The following SRGAP2B variants were observed in gnomAD, a reference collection of about 807,000 sequenced individuals.
SRGAP2B encodes SLIT-ROBO Rho GTPase-activating protein 2B.
Under a neutral mutation model 22.2 loss-of-function variants are expected in SRGAP2B, and 9 were observed. That is an observed-to-expected ratio of 0.41 (90% confidence interval 0.24 to 0.71). The LOEUF is 0.71. Among genes scored for constraint, SRGAP2B ranks in the 30% least tolerant of loss-of-function variants. The pLI is 0.35. For synonymous variants in SRGAP2B, 36 were observed against 87.4 expected (o/e 0.41, Z 3.28); for missense variants, 114 against 235.8 (o/e 0.48, Z 3.38).
At chr1:144,965,106 G>GCAGACAATCCAAGC in intron 3 of SRGAP2B, 1 of 1,293,950 alleles carries the variant, frequency 7.7e-7, no homozygotes, top group Non-Finnish European at 1.1e-6. Flanking sequence ...AGGATGCTTG[G>GCAGACAATCCAAGC]ATTGTCTGCT....
chr1:145,068,202 CAAAAAAAAAAAA>C, intron 2 of SRGAP2B, among the ~76,000 whole-genome samples: 2 of 15,604 alleles, frequency 1.3e-4, no homozygotes, highest in South Asian at 2.4e-3. Context: ...GACTCCGTCT[CAAAAAAAAAAAA>C]AAAAAAAAAA....
At chr1:144,934,480 T>A (rs1553606079) in intron 4 of SRGAP2B, among the ~76,000 whole-genome samples, 1 of 147,962 alleles carries the variant, frequency 6.8e-6, no homozygotes, top group Non-Finnish European at 1.5e-5. Context: ...ATGTGATATT[T>A]CCCCCCATTT....
chr1:144,924,552 C>T (rs1664506740), intron 4 of SRGAP2B, among the ~76,000 whole-genome samples: 1 of 150,770 alleles, frequency 6.6e-6, no homozygotes, highest in South Asian at 2.1e-4. Context: ...CAAGGTGAAA[C>T]CCCGTCTCTA....
intron 5 of SRGAP2B, among the ~76,000 whole-genome samples, chr1:144,908,175 A>G (rs1346770488): frequency 1.3e-5 from 2 of 148,684 alleles, no homozygotes; most frequent in Admixed American, 6.7e-5. Flanking sequence ...ATGGGATTCA[A>G]AAGCTTAGTG....
intron 3 of SRGAP2B, among the ~76,000 whole-genome samples, chr1:144,988,494 T>G (rs587733620): frequency 6.7e-6 from 1 of 149,986 alleles, no homozygotes; most frequent in African/African-American, 2.5e-5. Context: ...CCACCTTACC[T>G]TCTACCCTGT....
Position 144,993,401 on chromosome 1 carries a change from A to G in SRGAP2B, c.260+1607T>C, listed in dbSNP as rs1374193431. Among the ~76,000 whole-genome samples the G allele has an allele frequency of 1.2e-4, 18 of 150,684 alleles. 1 individual carries two copies. The highest frequency in any genetic ancestry group is 2.5e-4 in the Non-Finnish European group (17 of 67,944). On this transcript the variant is annotated intron_variant, in intron 3 of 9. Transcript: ENST00000612199. Reference sequence around the variant, plus strand: ...GCTGACACTGAGAAACTACAATTTGATATCAAAAACATAGATGGGCTGGGT... The same window carrying G: ...GCTGACACTGAGAAACTACAATTTGGTATCAAAAACATAGATGGGCTGGGT...
intron 3 of SRGAP2B, among the ~76,000 whole-genome samples, chr1:144,971,497 A>G (rs1331282369): frequency 3.3e-5 from 5 of 149,928 alleles, no homozygotes; most frequent in Non-Finnish European, 4.4e-5. Flanking sequence ...GGGCATGACC[A>G]TGGTTCACTG....
rs1571127571 is a variant in SRGAP2B, at chr1:145,066,781, G to T, written c.67+26054C>A. On this transcript the variant is annotated intron_variant, in intron 2 of 9. Transcript: ENST00000612199. Reference sequence around the variant, plus strand: ...TGAAGCTGTGGACTCTTCCCTTTCTGGGGAAATCAGTGAGTTGATATTTTC... The same window carrying T: ...TGAAGCTGTGGACTCTTCCCTTTCTTGGGAAATCAGTGAGTTGATATTTTC... Among the ~76,000 whole-genome samples the T allele has an allele frequency of 6.7e-5, 10 of 149,222 alleles. No individual in the cohort carries two copies. In the South Asian group the frequency reaches 2.1e-3, roughly 32 times the overall value.
intron 3 of SRGAP2B, among the ~76,000 whole-genome samples, chr1:144,992,096 A>G (rs1250459428): frequency 2.0e-5 from 3 of 150,382 alleles, no homozygotes; most frequent in African/African-American, 7.5e-5. Context: ...CACCGGGAGG[A>G]ACGAACAACT....
chr1:145,030,721 AATATAT>A (rs1161032950), intron 2 of SRGAP2B, among the ~76,000 whole-genome samples: 57 of 14,448 alleles, frequency 3.9e-3, no homozygotes, highest in East Asian at 0.014. Flanking sequence ...AAAAAAAAAA[AATATAT>A]ATATATATAT....
At chr1:144,904,725 A>T (rs1399741474) in intron 7 of SRGAP2B, among the ~76,000 whole-genome samples, 5 of 110,244 alleles carry the variant, frequency 4.5e-5, no homozygotes, top group South Asian at 3.0e-4. Flanking sequence ...AAAAAAAAAA[A>T]GGAAGAAAGT....
intron 2 of SRGAP2B, among the ~76,000 whole-genome samples, chr1:145,076,230 T>C (rs1295104871): frequency 6.7e-6 from 1 of 149,664 alleles, no homozygotes; most frequent in Non-Finnish European, 1.5e-5. Flanking sequence ...CTCCAAAATG[T>C]TGCCCAGGCT....
intron 2 of SRGAP2B, among the ~76,000 whole-genome samples, chr1:145,089,073 G>A (rs1239198186): frequency 6.6e-6 from 1 of 151,330 alleles, no homozygotes; most frequent in Non-Finnish European, 1.5e-5. Context: ...GTGTACATAG[G>A]TTATACGTAA....
At chr1:144,965,974 A>G (rs1486433740) in intron 3 of SRGAP2B, among the ~76,000 whole-genome samples, 7 of 150,842 alleles carry the variant, frequency 4.6e-5, no homozygotes, top group African/African-American at 1.7e-4. Context: ...AAAGCCTCCA[A>G]TAAATATGGG....
At position 145,081,492 on chromosome 1, in the gene SRGAP2B, T is replaced by C. The variant is rs1265315844; in HGVS notation, c.67+11343A>G. ...AGCTTTCTGCCTCCCAATCCAGCAC[T>C]TTCCCTTAGGATCATTCTGCCTGTG... On this transcript the variant is annotated intron_variant, in intron 2 of 9. Coordinates refer to ENST00000612199, the Ensembl canonical transcript of SRGAP2B. Among the ~76,000 whole-genome samples the C allele has an allele frequency of 1.1e-4, 16 of 149,734 alleles. 2 individuals carry two copies. Among genetic ancestry groups the C allele is most frequent in the East Asian group, 3.9e-4 (2 of 5,108 alleles).
chr1:145,044,525 G>A (rs1461097343), intron 2 of SRGAP2B, among the ~76,000 whole-genome samples: 3 of 145,162 alleles, frequency 2.1e-5, no homozygotes, highest in African/African-American at 7.9e-5. Context: ...AAATGTAAAT[G>A]TTTAGGGAGA....
At chr1:144,961,154 C>CCGTAAGG (rs1374893996) in intron 3 of SRGAP2B, among the ~76,000 whole-genome samples, 1 of 107,974 alleles carries the variant, frequency 9.3e-6, no homozygotes, top group East Asian at 2.9e-4. Context: ...AACAAAGCAG[C>CCGTAAGG]CGTAAGGCTC....
At chr1:145,045,222 G>A (rs181727406) in intron 2 of SRGAP2B, among the ~76,000 whole-genome samples, 3,290 of 121,608 alleles carry the variant, frequency 0.027, 94 homozygotes, top group African/African-American at 0.11. Flanking sequence ...GCGTGAACCC[G>A]GGAGGCGGAG....
At chr1:144,984,029 A>G (rs1553615420) in intron 3 of SRGAP2B, among the ~76,000 whole-genome samples, 1 of 151,080 alleles carries the variant, frequency 6.6e-6, no homozygotes, top group African/African-American at 2.5e-5. Flanking sequence ...GTTAAAAAAC[A>G]CTAGATTTCA....
Sources: gnomAD v4.1 joint callset for allele counts (sites outside exome capture counted in the v4.1 genomes callset) on GRCh38, gnomAD v4.1.1 for gene constraint, MANE v1.5 for transcripts, NCBI Gene and HGNC (gene_info 2026-07-23, HGNC 2026-07-21) for gene names.